Variants in TLL2 observed in about 807,000 individuals in gnomAD.
The protein encoded by TLL2 is tolloid like 2.
TLL2 carries 106 observed loss-of-function variants against 123.0 expected under a neutral mutation model. The observed-to-expected ratio is 0.86, with a 90% CI of 0.74 to 1.01. The LOEUF (loss-of-function observed/expected upper bound fraction) is 1.01, where lower values mean the gene tolerates loss of function less well. Among genes scored for constraint, TLL2 ranks in the 50% least tolerant of loss-of-function variants. TLL2 has a pLI of 0.00. For synonymous variants in TLL2, 494 were observed against 516.8 expected (o/e 0.96, Z 0.60); for missense variants, 1,332 against 1,336.7 (o/e 1.00, Z 0.06).
At chr10:96,384,810 C>G in intron 15 of TLL2, 43 bp from the exon 16 acceptor site, 1 of 1,522,596 alleles carries the variant, frequency 6.6e-7, no homozygotes, top group Non-Finnish European at 8.9e-7. Context: ...GTCCCTGTCC[C>G]CACCCCAGAC....
intron 1 of TLL2, among the ~76,000 whole-genome samples, chr10:96,487,493 G>A (rs533115917): frequency 1.3e-5 from 2 of 152,244 alleles, no homozygotes; most frequent in South Asian, 4.1e-4. Flanking sequence ...AAATCATGCT[G>A]CTATACTCAT....
At chr10:96,434,100 A>G (rs1265541373) in intron 3 of TLL2, among the ~76,000 whole-genome samples, 1 of 152,052 alleles carries the variant, frequency 6.6e-6, no homozygotes, top group African/African-American at 2.4e-5. Context: ...TCTTTATTAC[A>G]TTAATGTTAT....
chr10:96,396,047 AG>A, intron 11 of TLL2, 27 bp from the exon 12 acceptor site: 1 of 1,612,582 alleles, frequency 6.2e-7, no homozygotes, highest in Non-Finnish European at 8.5e-7. Flanking sequence ...CAGGAGAGGA[AG>A]ACGGGGGCCC....
chr10:96,382,499 A>G (rs1207343694), intron 16 of TLL2, among the ~76,000 whole-genome samples: 1 of 152,250 alleles, frequency 6.6e-6, no homozygotes, highest in Non-Finnish European at 1.5e-5. Flanking sequence ...AGAACAATCA[A>G]TGTGCTAAGA....
chr10:96,473,965 G>A (rs1847210358), intron 2 of TLL2, among the ~76,000 whole-genome samples: 1 of 152,134 alleles, frequency 6.6e-6, no homozygotes, highest in Non-Finnish European at 1.5e-5. Context: ...TATCGAAAAG[G>A]GTGCAAGAGG....
chr10:96,458,128 T>C (rs1434102001), intron 2 of TLL2, among the ~76,000 whole-genome samples: 3 of 152,050 alleles, frequency 2.0e-5, no homozygotes, highest in Non-Finnish European at 4.4e-5. Flanking sequence ...ACATGGATGC[T>C]GCTCGCCAGG....
intron 10 of TLL2, among the ~76,000 whole-genome samples, chr10:96,398,868 CTTTTTTTTTTT>C (rs3033618): frequency 1.9e-5 from 2 of 107,746 alleles, no homozygotes; most frequent in African/African-American, 3.8e-5. Flanking sequence ...TGAAAATATT[CTTTTTTTTTTT>C]TTTTTTTTTT....
chr10:96,505,289 A>AC (rs1403757434), intron 1 of TLL2, among the ~76,000 whole-genome samples: 1 of 151,810 alleles, frequency 6.6e-6, no homozygotes, highest in African/African-American at 2.4e-5. Context: ...GAAGGAAACC[A>AC]CCCCCATGAT....
At chr10:96,461,745 C>G (rs747389402) in intron 2 of TLL2, among the ~76,000 whole-genome samples, 1 of 152,216 alleles carries the variant, frequency 6.6e-6, no homozygotes, top group African/African-American at 2.4e-5. Context: ...TCTTCCAAGG[C>G]CTTGTGCTCA....
intron 1 of TLL2, among the ~76,000 whole-genome samples, chr10:96,484,409 T>C (rs1280545826): frequency 6.6e-6 from 1 of 152,170 alleles, no homozygotes; most frequent in Non-Finnish European, 1.5e-5. Context: ...TGTATCATAA[T>C]CTAGATTATA....
chr10:96,402,570 C>T (rs187437992), intron 10 of TLL2, among the ~76,000 whole-genome samples: 10 of 152,314 alleles, frequency 6.6e-5, no homozygotes, highest in Admixed American at 6.5e-4. Context: ...CATGCCTGCT[C>T]ATAGTAGGCA....
At chr10:96,409,147 C>A (rs1341371620) in intron 9 of TLL2, among the ~76,000 whole-genome samples, 3 of 152,250 alleles carry the variant, frequency 2.0e-5, no homozygotes, top group Non-Finnish European at 4.4e-5. Flanking sequence ...CCCACTGCCA[C>A]CCCTAGCTGC....
chr10:96,386,115 C>T lies in TLL2; in HGVS notation c.1953G>A (p.Val651=). ...PTNKNCVWQV[V]APAQYRISLQ... is the part of the protein sequence containing the mutation. The stretch of plus-strand genomic sequence containing the variant: ...GGGAGATCCGGTACTGAGCGGGGGC[C>T]ACCACCTGCCAGACACAGTTTTTGT... The change falls in exon 15 of 21, where the codon GTG becomes GTA. Residue 651 remains valine (V), a synonymous_variant. Transcript: ENST00000357947. The T allele has an allele frequency of 6.2e-7, 1 of 1,613,112 alleles. No homozygotes were observed. Among genetic ancestry groups the T allele is most frequent in the Non-Finnish European group, 8.5e-7 (1 of 1,179,492 alleles).
chr10:96,390,316 C>A (rs538046905), intron 13 of TLL2, among the ~76,000 whole-genome samples: 3 of 152,322 alleles, frequency 2.0e-5, no homozygotes, highest in South Asian at 4.1e-4. Flanking sequence ...TTCATGGTGA[C>A]CTATCAGCAC....
chr10:96,504,316 GTC>G (rs1847559398), intron 1 of TLL2, among the ~76,000 whole-genome samples: 1 of 152,170 alleles, frequency 6.6e-6, no homozygotes, highest in Admixed American at 6.5e-5. Flanking sequence ...TTAGGTCAAA[GTC>G]TCTGGGTATA....
intron 2 of TLL2, among the ~76,000 whole-genome samples, chr10:96,453,485 G>A (rs1846981624): frequency 6.6e-6 from 1 of 151,948 alleles, no homozygotes. Flanking sequence ...AAATAAAACA[G>A]GCAATAATAT....
chr10:96,491,098 C>T (rs11188791), intron 1 of TLL2, among the ~76,000 whole-genome samples: 15,179 of 152,128 alleles, frequency 0.1, 819 homozygotes, highest in Non-Finnish European at 0.12. Flanking sequence ...AATGCACATC[C>T]GGCTGGGCGC....
At chr10:96,512,545 C>G (rs1374828178) in intron 1 of TLL2, among the ~76,000 whole-genome samples, 2 of 152,162 alleles carry the variant, frequency 1.3e-5, no homozygotes, top group South Asian at 4.1e-4. Context: ...CTCTGCCGAC[C>G]GCCAAGTGAA....
intron 2 of TLL2, among the ~76,000 whole-genome samples, chr10:96,476,417 T>C (rs900784818): frequency 2.7e-5 from 4 of 150,570 alleles, no homozygotes; most frequent in African/African-American, 4.9e-5. Context: ...CCCACCACCA[T>C]GCCCGGCTAA....
Sources: gnomAD v4.1 joint callset for allele counts (sites outside exome capture counted in the v4.1 genomes callset) on GRCh38, gnomAD v4.1.1 for gene constraint, MANE v1.5 for transcripts, NCBI Gene and HGNC (gene_info 2026-07-23, HGNC 2026-07-21) for gene names.